The following GPC6 variants were observed in gnomAD, a reference collection of about 807,000 sequenced individuals.
GPC6 encodes glypican-6.
A neutral mutation model predicts 55.2 loss-of-function variants in GPC6; 14 were observed. The ratio of observed to expected loss-of-function variants is 0.25; its 90% CI spans 0.17 to 0.40. The LOEUF is 0.40. Among genes scored for constraint, GPC6 ranks in the 10% least tolerant of loss-of-function variants. GPC6 has a pLI of 1.00. For missense variants in GPC6, 641 were observed against 708.5 expected (o/e 0.90, Z 1.08); for synonymous variants, 278 against 259.6 (o/e 1.07, Z -0.68).
chr13:93,461,947 T>G (rs1159632629), intron 1 of GPC6, among the ~76,000 whole-genome samples: 1 of 152,132 alleles, frequency 6.6e-6, no homozygotes, highest in Non-Finnish European at 1.5e-5. Context: ...TGAAGGAACA[T>G]AAGAAATTTA....
At chr13:94,027,491 G>A (rs952688373) in intron 3 of GPC6, among the ~76,000 whole-genome samples, 5 of 151,966 alleles carry the variant, frequency 3.3e-5, no homozygotes, top group African/African-American at 9.7e-5. Context: ...CAATGAAACA[G>A]TGTCTAGGCT....
chr13:94,143,713 C>T lies in GPC6; in HGVS notation c.877+115819C>T, dbSNP rs529891121. ...AATGAGACTGGGCAACATGGCAAAA[C>T]CCCATCTTTACAAAAAAATACAAAA... On this transcript the variant is annotated intron_variant, in intron 4 of 8. Transcript: ENST00000377047. 3.3e-5 allele frequency among the ~76,000 whole-genome samples: 5 copies of T among 152,086 alleles called. No individual in the cohort carries two copies. The South Asian group carries it at 1.0e-3, about 32-fold the overall frequency.
chr13:93,917,371 G>GT (rs1173772839), intron 3 of GPC6, among the ~76,000 whole-genome samples: 6 of 151,284 alleles, frequency 4.0e-5, no homozygotes, highest in African/African-American at 7.3e-5. Flanking sequence ...ACCCAGCACT[G>GT]TTTTTTTTCA....
chr13:94,275,730 A>G (rs1892181765), intron 4 of GPC6, among the ~76,000 whole-genome samples: 1 of 147,998 alleles, frequency 6.8e-6, no homozygotes, highest in African/African-American at 2.5e-5. Flanking sequence ...ACTTATTTAT[A>G]TCAAAATGAA....
In GPC6 at chr13:94,206,067, G is replaced by T. The variant is rs984536946; in HGVS notation, c.878-80282G>T. Among the ~76,000 whole-genome samples the T allele has an allele frequency of 7.9e-5, 12 of 152,236 alleles. No individual in the cohort carries two copies. In the East Asian group the frequency reaches 2.3e-3, roughly 29 times the overall value. ...GGCCCCAAATTTCGATAGGGCTGAG[G>T]TTGAGAAACCCTGACCTAGAGTTTG... On this transcript the variant is annotated intron_variant, in intron 4 of 8. Coordinates refer to ENST00000377047, the MANE Select transcript of GPC6 (RefSeq NM_005708.5).
Position 94,268,535 on chromosome 13 carries a change from C to G in GPC6, c.878-17814C>G, listed in dbSNP as rs557233070. On this transcript the variant is annotated intron_variant, in intron 4 of 8. Transcript: ENST00000377047. ...ATTCAAGAGTATTAGCAAAAATAACCTTACCTAAGTCTCTTGAAAGCAGGT... is the reference window on the plus strand; with the variant it reads ...ATTCAAGAGTATTAGCAAAAATAACGTTACCTAAGTCTCTTGAAAGCAGGT... 6.6e-5 allele frequency among the ~76,000 whole-genome samples: 10 copies of G among 152,236 alleles called. 2 individuals are homozygous for G. The highest frequency in any genetic ancestry group is 2.2e-4 in the African/African-American group (9 of 41,556).
At chr13:93,644,235 C>A (rs369239261) in intron 2 of GPC6, among the ~76,000 whole-genome samples, 30 of 152,154 alleles carry the variant, frequency 2.0e-4, no homozygotes, top group African/African-American at 6.5e-4. Flanking sequence ...GGAAATTATA[C>A]TTCTTCTAGA....
intron 1 of GPC6, among the ~76,000 whole-genome samples, chr13:93,501,701 C>T (rs1306942475): frequency 6.6e-6 from 1 of 152,116 alleles, no homozygotes; most frequent in Non-Finnish European, 1.5e-5. Flanking sequence ...ACACTGAGTT[C>T]GTCTCCACAT....
At chr13:94,380,643 C>G (rs1457742393) in intron 6 of GPC6, among the ~76,000 whole-genome samples, 2 of 152,216 alleles carry the variant, frequency 1.3e-5, no homozygotes, top group African/African-American at 2.4e-5. Flanking sequence ...TTTAAATCCT[C>G]TAGCGTGTGT....
At chr13:93,663,376 A>G (rs1394302144) in intron 2 of GPC6, among the ~76,000 whole-genome samples, 1 of 152,170 alleles carries the variant, frequency 6.6e-6, no homozygotes, top group Non-Finnish European at 1.5e-5. Context: ...ATATGAAGTG[A>G]CTTTTCTCCC....
At chr13:93,954,843 C>T (rs1253811607) in intron 3 of GPC6, among the ~76,000 whole-genome samples, 1 of 152,170 alleles carries the variant, frequency 6.6e-6, no homozygotes, top group Non-Finnish European at 1.5e-5. Flanking sequence ...GGTTTAGTAA[C>T]TCTATGTATG....
At chr13:94,319,332 A>G (rs1156870187) in intron 6 of GPC6, among the ~76,000 whole-genome samples, 2 of 152,172 alleles carry the variant, frequency 1.3e-5, no homozygotes, top group Non-Finnish European at 2.9e-5. Context: ...TTTTGTAACA[A>G]TACAAGAGGA....
rs142362848 is a variant in GPC6 at position 93,968,900 on chromosome 13, G to T, written c.712-58829G>T. 4.5e-4 allele frequency among the ~76,000 whole-genome samples: 68 copies of T among 152,214 alleles called. 1 individual carries two copies. Among genetic ancestry groups the T allele is most frequent in the African/African-American group, 1.6e-3 (65 of 41,536 alleles). ...ATTTGGAATGACATGGAAACTAAGA[G>T]GCTTGAGAAATTTTTGATGCTAGAT... On this transcript the variant is annotated intron_variant, in intron 3 of 8. Transcript: ENST00000377047.
intron 4 of GPC6, among the ~76,000 whole-genome samples, chr13:94,081,917 T>C (rs1021259483): frequency 8.0e-5 from 12 of 150,410 alleles, no homozygotes; most frequent in Admixed American, 2.7e-4. Context: ...CTCGGCTCAC[T>C]ACAACCTCCA....
chr13:93,783,223 A>T (rs112013296), intron 2 of GPC6, among the ~76,000 whole-genome samples: 1 of 152,122 alleles, frequency 6.6e-6, no homozygotes, highest in Non-Finnish European at 1.5e-5. Flanking sequence ...TCTATCATTG[A>T]TGGGCATTTG....
intron 1 of GPC6, among the ~76,000 whole-genome samples, chr13:93,228,069 C>A (rs192392200): frequency 1.1e-3 from 165 of 152,260 alleles, no homozygotes; most frequent in African/African-American, 3.6e-3. Flanking sequence ...CCCGCCCTTG[C>A]GCCGGCAGGG....
chr13:93,585,962 C>CT (rs944565344), intron 2 of GPC6, among the ~76,000 whole-genome samples: 37 of 148,422 alleles, frequency 2.5e-4, no homozygotes, highest in African/African-American at 5.7e-4. Context: ...CTGTCAGTTT[C>CT]TTTTTTTTTT....
intron 3 of GPC6, among the ~76,000 whole-genome samples, chr13:93,969,824 T>C (rs1033025431): frequency 6.6e-6 from 1 of 152,144 alleles, no homozygotes; most frequent in Admixed American, 6.6e-5. Context: ...GCATGTGGTA[T>C]TTGGCTTCCT....
intron 4 of GPC6, among the ~76,000 whole-genome samples, chr13:94,206,706 T>C (rs55982244): frequency 0.023 from 3,485 of 151,968 alleles, 73 homozygotes; most frequent in African/African-American, 0.056. Flanking sequence ...ATAGAAATAT[T>C]AGCTGGGTGT....
Sources: gnomAD v4.1 joint callset for allele counts (sites outside exome capture counted in the v4.1 genomes callset) on GRCh38, gnomAD v4.1.1 for gene constraint, MANE v1.5 for transcripts, NCBI Gene and HGNC (gene_info 2026-07-23, HGNC 2026-07-21) for gene names.